The following PRKN variants were observed in gnomAD, a reference collection of about 807,000 sequenced individuals.
PRKN encodes E3 ubiquitin-protein ligase parkin.
Under a neutral mutation model 59.5 loss-of-function variants are expected in PRKN, and 56 were observed. The observed-to-expected ratio is 0.94, with a 90% CI of 0.76 to 1.18. The LOEUF (loss-of-function observed/expected upper bound fraction) is 1.18, where lower values mean the gene tolerates loss of function less well. Ranked by LOEUF, PRKN falls within the 50% of genes most tolerant of loss-of-function variation. PRKN has a pLI of 0.00. For synonymous variants in PRKN, 250 were observed against 222.1 expected, an observed-to-expected ratio of 1.13 and a Z score of -1.12; for missense variants, 657 against 596.4, an observed-to-expected ratio of 1.10 and a Z score of -1.06.
At chr6:161,591,466 G>A (rs990139384) in intron 7 of PRKN, among the ~76,000 whole-genome samples, 19 of 152,128 alleles carry the variant, frequency 1.2e-4, no homozygotes, top group African/African-American at 4.1e-4. Flanking sequence ...AGGGCTCCCC[G>A]GCTAGAGTTT....
rs1037983609 is a variant in PRKN, at chr6:161,489,000, G to A, written c.1083+59854C>T. Among the ~76,000 whole-genome samples the A allele has an allele frequency of 2.6e-5, 4 of 152,008 alleles. No homozygotes were observed. The highest frequency in any genetic ancestry group is 6.6e-5 in the Admixed American group (1 of 15,254). ...TGATGACATTTCTCAGGAACGAGGC[G>A]ACTAGAAGAAAAACATGAAAGAAAA... On this transcript the variant is annotated intron_variant, in intron 9 of 11. Transcript: ENST00000366898. The surrounding 1 kb of genome is among the most constrained non-coding windows in gnomAD (Gnocchi z 4.5).
At chr6:161,519,328 T>C (rs1562500759) in intron 9 of PRKN, among the ~76,000 whole-genome samples, 2 of 152,144 alleles carry the variant, frequency 1.3e-5, no homozygotes, top group South Asian at 4.1e-4. Flanking sequence ...ACCAGCAGGA[T>C]TGCTCTGAAT....
At chr6:161,509,828 C>T (rs1467622745) in intron 9 of PRKN, among the ~76,000 whole-genome samples, 2 of 140,266 alleles carry the variant, frequency 1.4e-5, no homozygotes, top group Admixed American at 7.8e-5. Context: ...TGCAGTGAGC[C>T]GAGATTGTGC....
intron 2 of PRKN, among the ~76,000 whole-genome samples, chr6:162,324,197 A>C (rs185556091): frequency 2.0e-5 from 3 of 152,258 alleles, no homozygotes; most frequent in Admixed American, 2.0e-4. Context: ...AGTGCATTCT[A>C]TATTATTCCA....
At chr6:162,116,486 G>T (rs965379825) in intron 4 of PRKN, among the ~76,000 whole-genome samples, 2 of 152,294 alleles carry the variant, frequency 1.3e-5, no homozygotes, top group South Asian at 2.1e-4. Context: ...CTGGCCTCAC[G>T]GACTTTTTGT....
At chr6:162,445,523 C>CA (rs961108099) in intron 1 of PRKN, among the ~76,000 whole-genome samples, 1 of 151,620 alleles carries the variant, frequency 6.6e-6, no homozygotes, top group South Asian at 2.1e-4. Flanking sequence ...CCCATCTCTA[C>CA]AAAAAATTTT....
chr6:162,501,534 T>G (rs1313129974), intron 1 of PRKN, among the ~76,000 whole-genome samples: 4 of 144,982 alleles, frequency 2.8e-5, no homozygotes, highest in Admixed American at 1.4e-4. Context: ...TTTTTTTTTA[T>G]TAGTAGAGAC....
At chr6:161,830,098 G>A (rs1253401304) in intron 6 of PRKN, among the ~76,000 whole-genome samples, 1 of 152,074 alleles carries the variant, frequency 6.6e-6, no homozygotes, top group Admixed American at 6.6e-5. Flanking sequence ...CACTTGTAGG[G>A]CGAGGTCAGT....
At chr6:162,216,396 G>A (rs1046837230) in intron 3 of PRKN, among the ~76,000 whole-genome samples, 28 of 151,458 alleles carry the variant, frequency 1.8e-4, no homozygotes, top group Non-Finnish European at 3.1e-4. Context: ...CGGGCGCGGT[G>A]GCGGGCGCCT....
chr6:161,991,567 C>A (rs547936230), intron 5 of PRKN, among the ~76,000 whole-genome samples: 1 of 152,098 alleles, frequency 6.6e-6, no homozygotes, highest in African/African-American at 2.4e-5. Context: ...ACTGGCCAGG[C>A]GTGGTGGCTC....
chr6:162,359,079 A>ATATATATAT (rs1554304694), intron 2 of PRKN, among the ~76,000 whole-genome samples: 39 of 83,232 alleles, frequency 4.7e-4, no homozygotes, highest in African/African-American at 2.5e-3. Flanking sequence ...AAAAAAAAAA[A>ATATATATAT]ATATATATAT....
At chr6:162,415,164 T>C (rs536196074) in intron 2 of PRKN, among the ~76,000 whole-genome samples, 5 of 152,258 alleles carry the variant, frequency 3.3e-5, no homozygotes, top group South Asian at 2.1e-4. Flanking sequence ...CCCTGCGTAA[T>C]AGACTTAGCG....
At position 161,533,279 on chromosome 6, in the gene PRKN, G is replaced by T. The variant is rs1412672115; in HGVS notation, c.1083+15575C>A. ...CAGGAGTTGTAAAGAAATTACTTGGGCAGTGAGGGTATGGAAGTCCTCAGT... is the reference window on the plus strand; with the variant it reads ...CAGGAGTTGTAAAGAAATTACTTGGTCAGTGAGGGTATGGAAGTCCTCAGT... On this transcript the variant is annotated intron_variant, in intron 9 of 11. Coordinates refer to ENST00000366898, the MANE Select transcript of PRKN (RefSeq NM_004562.3). The surrounding 1 kb of genome is among the most constrained non-coding windows in gnomAD (Gnocchi z 4.1). Among the ~76,000 whole-genome samples, 1 of 152,138 alleles carries T rather than the reference G, an allele frequency of 6.6e-6. No homozygotes were observed. The highest frequency in any genetic ancestry group is 1.5e-5 in the Non-Finnish European group (1 of 68,032).
At chr6:161,917,027 C>A (rs1778590703) in intron 6 of PRKN, among the ~76,000 whole-genome samples, 2 of 151,994 alleles carry the variant, frequency 1.3e-5, no homozygotes. Context: ...TGGTCTTGAT[C>A]TCCTGACCTC....
chr6:161,701,492 T>C (rs1199181727), intron 7 of PRKN, among the ~76,000 whole-genome samples: 1 of 152,200 alleles, frequency 6.6e-6, no homozygotes, highest in Admixed American at 6.5e-5. Flanking sequence ...AACCAATTCA[T>C]ATAAATTTAA....
At chr6:162,136,710 T>G (rs958355780) in intron 4 of PRKN, among the ~76,000 whole-genome samples, 1 of 152,222 alleles carries the variant, frequency 6.6e-6, no homozygotes, top group African/African-American at 2.4e-5. Flanking sequence ...GCTGAATTGC[T>G]GATTTTCACT....
At position 161,882,385 on chromosome 6, in the gene PRKN, C is replaced by T. The variant is rs187199781; in HGVS notation, c.734+90917G>A. On this transcript the variant is annotated intron_variant, in intron 6 of 11. Coordinates refer to ENST00000366898, the MANE Select transcript of PRKN (RefSeq NM_004562.3). Reference sequence around the variant, plus strand: ...CAAGAATCAGGCAGGTGGTGCGGCCCTCCAGGGAGGGGAGGCTGCGGCAGG... The same window carrying T: ...CAAGAATCAGGCAGGTGGTGCGGCCTTCCAGGGAGGGGAGGCTGCGGCAGG... Among the ~76,000 whole-genome samples, 981 of 152,246 alleles carry T rather than the reference C, an allele frequency of 6.4e-3. 6 individuals carry two copies. Among genetic ancestry groups the T allele is most frequent in the African/African-American group, 0.022 (928 of 41,542 alleles).
chr6:162,102,583 T>C (rs1780017047), intron 4 of PRKN, among the ~76,000 whole-genome samples: 1 of 152,210 alleles, frequency 6.6e-6, no homozygotes, highest in South Asian at 2.1e-4. Flanking sequence ...CACTATTTTT[T>C]GCACAAATAT....
intron 7 of PRKN, among the ~76,000 whole-genome samples, chr6:161,718,546 T>C (rs1456709889): frequency 6.6e-6 from 1 of 151,878 alleles, no homozygotes; most frequent in African/African-American, 2.4e-5. Context: ...TTCAGGGGGC[T>C]AGAGATGTGC....
Sources: allele counts gnomAD v4.1 joint callset (sites outside exome capture counted in the v4.1 genomes callset), GRCh38; gene constraint gnomAD v4.1.1; non-coding constraint Gnocchi (gnomAD v3.1); transcripts MANE v1.5; gene names NCBI Gene and HGNC (gene_info 2026-07-23, HGNC 2026-07-21).